Variants in PPP1R9A observed in about 807,000 individuals in gnomAD.
PPP1R9A encodes neurabin-1.
A neutral mutation model predicts 141.9 loss-of-function variants in PPP1R9A; 59 were observed. The observed-to-expected ratio is 0.42, with a 90% CI of 0.34 to 0.52. PPP1R9A has a LOEUF of 0.52. Ranked by LOEUF, PPP1R9A falls within the 20% of genes least tolerant of loss-of-function variation. PPP1R9A has a pLI of 0.10. For missense variants in PPP1R9A, 1,444 were observed against 1,611.9 expected, an observed-to-expected ratio of 0.90 and a Z score of 1.78; for synonymous variants, 500 against 569.7, an observed-to-expected ratio of 0.88 and a Z score of 1.74.
intron 2 of PPP1R9A, among the ~76,000 whole-genome samples, chr7:95,035,125 C>A (rs967356374): frequency 6.6e-6 from 1 of 152,100 alleles, no homozygotes; most frequent in Non-Finnish European, 1.5e-5. Context: ...CATCAAAAGA[C>A]TAATTAATAT....
At position 95,091,623 on chromosome 7, in the gene PPP1R9A, C is replaced by T. The variant is rs150364081; in HGVS notation, c.1396-19636C>T. Among the ~76,000 whole-genome samples the T allele has an allele frequency of 7.8e-3, 1,190 of 151,792 alleles. 38 individuals carry two copies. Among genetic ancestry groups the T allele is most frequent in the African/African-American group, 0.028 (1,139 of 41,238 alleles). The stretch of plus-strand genomic sequence containing the variant: ...CCTCCCAAAGTGCTGGGATTACAGG[C>T]GTGAGCCACCATGACCAGCCTTAAA... On this transcript the variant is annotated intron_variant, in intron 2 of 19. Transcript: ENST00000433360.
At chr7:94,958,809 T>C (rs574732692) in intron 2 of PPP1R9A, among the ~76,000 whole-genome samples, 12 of 152,160 alleles carry the variant, frequency 7.9e-5, no homozygotes, top group African/African-American at 2.6e-4. Flanking sequence ...GATTTGGTTA[T>C]TTTCAAAGAA....
chr7:95,098,155 A>T (rs1258742905), intron 2 of PPP1R9A: 2 of 152,226 alleles, frequency 1.3e-5, no homozygotes, highest in African/African-American at 2.4e-5. Context: ...TCAAAGTGAC[A>T]CTTGGATTGA....
chr7:94,924,615 G>C (rs1021304102), intron 2 of PPP1R9A, among the ~76,000 whole-genome samples: 1 of 152,062 alleles, frequency 6.6e-6, no homozygotes, highest in Non-Finnish European at 1.5e-5. Context: ...TGCAACTTCC[G>C]TCTCCCGAGT....
At chr7:95,162,273 G>A (rs1034734817) in intron 5 of PPP1R9A, among the ~76,000 whole-genome samples, 2 of 151,980 alleles carry the variant, frequency 1.3e-5, no homozygotes, top group African/African-American at 2.4e-5. Flanking sequence ...ATATGAATTA[G>A]GTCCCAAATC....
chr7:95,220,164 A>G (rs145300144), intron 7 of PPP1R9A, among the ~76,000 whole-genome samples: 1,725 of 152,230 alleles, frequency 0.011, 31 homozygotes, highest in Admixed American at 0.041. Flanking sequence ...GGAAAGAGAG[A>G]TGCTTCGGCA....
chr7:95,258,251 A>G (rs1023976991), intron 12 of PPP1R9A, among the ~76,000 whole-genome samples: 2 of 152,030 alleles, frequency 1.3e-5, no homozygotes, highest in African/African-American at 4.8e-5. Context: ...TTTGATTTGC[A>G]TTTCTCTGAT....
intron 12 of PPP1R9A, among the ~76,000 whole-genome samples, chr7:95,265,155 A>G (rs779757112): frequency 2.0e-5 from 3 of 152,280 alleles, no homozygotes; most frequent in East Asian, 3.9e-4. Flanking sequence ...CTCTGATGCT[A>G]TATGCTTCTG....
intron 2 of PPP1R9A, among the ~76,000 whole-genome samples, chr7:95,098,936 A>G (rs1432932602): frequency 6.6e-6 from 1 of 152,166 alleles, no homozygotes; most frequent in Non-Finnish European, 1.5e-5. Flanking sequence ...TTCACGCTCA[A>G]GAGAAGCTCT....
chr7:95,228,230 T>G (rs559370299), intron 8 of PPP1R9A, among the ~76,000 whole-genome samples: 297 of 152,338 alleles, frequency 1.9e-3, no homozygotes, highest in South Asian at 6.0e-3. Context: ...ACTTTGGGCC[T>G]GTTTTGTATC....
chr7:95,034,973 A>G (rs556872438), intron 2 of PPP1R9A, among the ~76,000 whole-genome samples: 32 of 152,308 alleles, frequency 2.1e-4, no homozygotes, highest in African/African-American at 7.0e-4. Flanking sequence ...TGTGAGTACC[A>G]TGATCTGAAC....
rs6962159 is a variant in PPP1R9A, at chr7:95,206,117, A to G, written c.1956+2387A>G. Among the ~76,000 whole-genome samples, 235 of 152,320 alleles carry G rather than the reference A, an allele frequency of 1.5e-3. 1 individual carries two copies. Among genetic ancestry groups the G allele is most frequent in the Middle Eastern group, 0.01 (3 of 294 alleles). On this transcript the variant is annotated intron_variant, in intron 7 of 19. Coordinates refer to ENST00000433360, the MANE Select transcript of PPP1R9A (RefSeq NM_001166160.2). ...AATAGTCAAAATGGCCTAAATTACA[A>G]TACTGCATATATGTCCTTATCTCCT...
At chr7:95,096,269 G>A (rs1395363444) in intron 2 of PPP1R9A, among the ~76,000 whole-genome samples, 1 of 152,156 alleles carries the variant, frequency 6.6e-6, no homozygotes, top group Admixed American at 6.5e-5. Context: ...TCTCCCTCAT[G>A]TGTTCCTCTT....
intron 2 of PPP1R9A, among the ~76,000 whole-genome samples, chr7:94,970,721 C>T (rs1250252983): frequency 1.3e-5 from 2 of 151,160 alleles, no homozygotes; most frequent in Non-Finnish European, 1.5e-5. Flanking sequence ...TTGCAACCTC[C>T]GCCTCCTGGG....
rs535432145 is a variant in PPP1R9A, at chr7:95,130,401, C to T, written c.1649+9569C>T. 7.2e-5 allele frequency among the ~76,000 whole-genome samples: 11 copies of T among 152,300 alleles called. No homozygotes were observed. In the East Asian group the frequency reaches 7.7e-4, roughly 11 times the overall value. ...GAACCTTTGCCTAGATTTCAGAGGA[C>T]GTATGGAAATGCCCAGATGCCCAGG... On this transcript the variant is annotated intron_variant, in intron 4 of 19. Coordinates refer to ENST00000433360, the MANE Select transcript of PPP1R9A (RefSeq NM_001166160.2).
chr7:95,082,716 G>T (rs1168752256), intron 2 of PPP1R9A, among the ~76,000 whole-genome samples: 3 of 151,470 alleles, frequency 2.0e-5, no homozygotes, highest in African/African-American at 7.3e-5. Context: ...CCCCAGCCTG[G>T]GTGATCCTGT....
At chr7:95,011,418 T>G (rs984264275) in intron 2 of PPP1R9A, among the ~76,000 whole-genome samples, 2 of 152,198 alleles carry the variant, frequency 1.3e-5, no homozygotes, top group Non-Finnish European at 2.9e-5. Context: ...GTGATTTTCT[T>G]CAAACTGAAC....
intron 2 of PPP1R9A, among the ~76,000 whole-genome samples, chr7:95,060,971 G>A (rs1812147634): frequency 6.6e-6 from 1 of 152,158 alleles, no homozygotes; most frequent in Admixed American, 6.5e-5. Flanking sequence ...CTAGTTTAAG[G>A]GGTAGATGAC....
intron 5 of PPP1R9A, among the ~76,000 whole-genome samples, chr7:95,175,450 A>G (rs2152766146): frequency 6.6e-6 from 1 of 151,898 alleles, no homozygotes; most frequent in East Asian, 1.9e-4. Flanking sequence ...AGGTATAACT[A>G]TTTTCCTTCT....
Sources: gnomAD v4.1 joint callset for allele counts (sites outside exome capture counted in the v4.1 genomes callset) on GRCh38, gnomAD v4.1.1 for gene constraint, MANE v1.5 for transcripts, NCBI Gene and HGNC (gene_info 2026-07-23, HGNC 2026-07-21) for gene names.